The following DMXL2 variants were observed in gnomAD, a reference collection of about 807,000 sequenced individuals.
The protein encoded by DMXL2 is Dmx like 2.
A neutral mutation model predicts 331.1 loss-of-function variants in DMXL2; 103 were observed. The observed-to-expected ratio is 0.31, with a 90% confidence interval of 0.27 to 0.37. The LOEUF (loss-of-function observed/expected upper bound fraction) is 0.37. DMXL2 is among the 10% of genes least tolerant of loss of function. The probability of loss-of-function intolerance (pLI) is 1.00; values close to 1 mark genes in which losing one functional copy is unlikely to be tolerated. For synonymous variants in DMXL2, 1,281 were observed against 1,252.1 expected, an observed-to-expected ratio of 1.02 and a Z score of -0.49; for missense variants, 3,171 against 3,642.9, an observed-to-expected ratio of 0.87 and a Z score of 3.33.
At chr15:51,601,324 A>G (rs1001588977) in intron 1 of DMXL2, among the ~76,000 whole-genome samples, 2 of 146,844 alleles carry the variant, frequency 1.4e-5, no homozygotes, top group African/African-American at 5.0e-5. Flanking sequence ...GTTTTAAGAA[A>G]TCTTTTGCAA....
intron 19 of DMXL2, 33 bp downstream of exon 19, chr15:51,494,991 G>T (rs1567025907): frequency 1.7e-5 from 25 of 1,509,230 alleles, no homozygotes; most frequent in Non-Finnish European, 2.3e-5. Context: ...TTAAGTAAAA[G>T]TTGTGCAAAG....
In DMXL2 at chr15:51,466,262, C is replaced by T. The variant is rs370841953; in HGVS notation, c.7442G>A (p.Ser2481Asn). 17 of 1,561,130 alleles carry T rather than the reference C, an allele frequency of 1.1e-5. No individual in the cohort carries two copies. Among genetic ancestry groups the T allele is most frequent in the African/African-American group, 6.9e-5 (5 of 72,548 alleles). ...ATCATCTTCTTCATCACTATGAATG[C>T]TTTCATCAGAATCATATATAACACC... ...DSGVIYDSDE[S>N]IHSDEEDDAF... Residue 2481 changes from serine (S) to asparagine (N), a missense_variant, in exon 30 of 44, where the codon AGC (serine) becomes AAC (asparagine). By Grantham distance (46) the Ser-to-Asn change is conservative (BLOSUM62 1). Around this residue, in one of 7 missense-constraint regions of DMXL2, gnomAD observed 766 missense variants for 940.5 expected, o/e 0.81. Transcript: ENST00000560891.
intron 22 of DMXL2, among the ~76,000 whole-genome samples, chr15:51,486,731 G>A (rs966017390): frequency 6.6e-6 from 1 of 151,718 alleles, no homozygotes; most frequent in Non-Finnish European, 1.5e-5. Flanking sequence ...TATTTAAATA[G>A]TAAATAAATT....
At position 51,465,366 on chromosome 15, in the gene DMXL2, G is replaced by T. The variant is rs143007932; in HGVS notation, c.7606+200C>A. Among the ~76,000 whole-genome samples the T allele has an allele frequency of 1.1e-4, 16 of 152,292 alleles. No individual in the cohort carries two copies. The East Asian group carries it at 3.1e-3, about 29-fold the overall frequency. ...GCTCTGATCACACCACTGCACTACA[G>T]TCTGGGCAACAGAGCGAGACTCTAT... On this transcript the variant is annotated intron_variant, in intron 31 of 43. Coordinates refer to ENST00000560891, the MANE Select transcript of DMXL2 (RefSeq NM_001378457.1).
intron 15 of DMXL2, among the ~76,000 whole-genome samples, chr15:51,509,414 G>A (rs1648017483): frequency 6.6e-6 from 1 of 152,156 alleles, no homozygotes. Context: ...TACCATCAGA[G>A]AATACTATAA....
intron 13 of DMXL2, among the ~76,000 whole-genome samples, chr15:51,528,652 T>C (rs551773422): frequency 6.6e-4 from 101 of 152,214 alleles, no homozygotes; most frequent in Middle Eastern, 3.4e-3. Context: ...CAGAAAGAGA[T>C]AGACCCCAAT....
At position 51,474,524 on chromosome 15, in the gene DMXL2, G is replaced by A. The variant is rs774967981; in HGVS notation, c.7033C>T (p.Leu2345=). ...TAAACAGCAACAACAGCTTCACATA[G>A]CAAAATGTTCAGTTTTGGCTGGTCT... is the stretch of plus-strand genomic sequence containing the variant. ...DEDQPKLNIL[L]CEAVVAVYLS... The change falls in exon 28 of 44, where the codon CTA becomes TTA. Residue 2345 remains leucine (L), a synonymous_variant. Transcript: ENST00000560891. The A allele has an allele frequency of 1.9e-6, 3 of 1,614,052 alleles. No individual in the cohort carries two copies. The highest frequency in any genetic ancestry group is 2.2e-5 in the South Asian group (2 of 91,078).
Position 51,499,194 on chromosome 15 carries a change from G to T in DMXL2, c.4030C>A (p.Leu1344Ile). Residue 1344 changes from leucine (L) to isoleucine (I), a missense_variant, in exon 18 of 44, where the codon CTT (leucine) becomes ATT (isoleucine). By Grantham distance (5) the Leu-to-Ile change is conservative. Coordinates refer to ENST00000560891, the MANE Select transcript of DMXL2 (RefSeq NM_001378457.1). ...AGCTGAGTTGGATGATATTGTGGAA[G>T]AGTAGGGGAAAGTACATGTGCAGCC... ...FEAAHVLSPT[L>I]PQYHPTQLLE... 1 of 1,614,084 alleles carries T rather than the reference G, an allele frequency of 6.2e-7. No individual in the cohort carries two copies. Among genetic ancestry groups the T allele is most frequent in the Non-Finnish European group, 8.5e-7 (1 of 1,180,014 alleles).
intron 13 of DMXL2, among the ~76,000 whole-genome samples, chr15:51,524,482 T>A (rs974796450): frequency 2.0e-5 from 3 of 152,146 alleles, no homozygotes; most frequent in African/African-American, 7.2e-5. Flanking sequence ...TTAACTTCAT[T>A]ATCACTGAAA....
At chr15:51,580,450 A>G (rs1339306502) in intron 1 of DMXL2, among the ~76,000 whole-genome samples, 1 of 152,188 alleles carries the variant, frequency 6.6e-6, no homozygotes, top group Non-Finnish European at 1.5e-5. Flanking sequence ...GGCAAGGAAA[A>G]GGACTGCAAG....
intron 27 of DMXL2, among the ~76,000 whole-genome samples, chr15:51,476,225 G>A (rs1006740773): frequency 3.3e-5 from 5 of 151,942 alleles, no homozygotes; most frequent in Admixed American, 2.0e-4. Flanking sequence ...AAATTTACAC[G>A]CCCGAGAACA....
At position 51,462,458 on chromosome 15, in the gene DMXL2, C is replaced by A. The variant is rs145208148; in HGVS notation, c.7926+921G>T. On this transcript the variant is annotated intron_variant, in intron 33 of 43. Coordinates refer to ENST00000560891, the MANE Select transcript of DMXL2 (RefSeq NM_001378457.1). Reference sequence around the variant, plus strand: ...TCAAGCAATTCTCTTACCTCAACCTCCCGAGCAGCTGGGATTACAGACATG... The same window carrying A: ...TCAAGCAATTCTCTTACCTCAACCTACCGAGCAGCTGGGATTACAGACATG... 2.9e-3 allele frequency among the ~76,000 whole-genome samples: 443 copies of A among 152,252 alleles called. 4 individuals carry two copies. Among genetic ancestry groups the A allele is most frequent in the African/African-American group, 0.01 (428 of 41,526 alleles).
In DMXL2 at chr15:51,481,086, TC is replaced by T. The variant is rs756422889; in HGVS notation, c.6019del (p.Asp2007IlefsTer15). The T allele has an allele frequency of 6.2e-7, 1 of 1,613,656 alleles. No individual in the cohort carries two copies. Among genetic ancestry groups the T allele is most frequent in the Admixed American group, 1.7e-5 (1 of 59,960 alleles). On this transcript the variant is annotated frameshift_variant, in exon 24 of 44. Coordinates refer to ENST00000560891, the MANE Select transcript of DMXL2 (RefSeq NM_001378457.1). LOFTEE classifies it high-confidence loss of function. ...VMKSTDAREKDKQSDQKASDP... is the reference protein window; with the variant it reads ...VMKSTDAREKXKQSDQKASDP... ...TGAGGCCTTCTGATCTGATTGTTTA[TC>T]TTTTTCCCTGGCATCTGTACTTTTC...
chr15:51,511,065 C>T (rs1037496082), intron 15 of DMXL2, among the ~76,000 whole-genome samples: 1 of 152,078 alleles, frequency 6.6e-6, no homozygotes, highest in Admixed American at 6.6e-5. Flanking sequence ...AAGACTGAAA[C>T]GTAAGACCTA....
intron 1 of DMXL2, among the ~76,000 whole-genome samples, chr15:51,587,555 A>C (rs1282817988): frequency 6.6e-6 from 1 of 151,956 alleles, no homozygotes; most frequent in Non-Finnish European, 1.5e-5. Context: ...CATTTTCTTA[A>C]TCCAGTCTAT....
chr15:51,606,048 T>C (rs1032226004), intron 1 of DMXL2, among the ~76,000 whole-genome samples: 15 of 152,336 alleles, frequency 9.8e-5, no homozygotes, highest in African/African-American at 3.1e-4. Flanking sequence ...GATGGTCTCT[T>C]GGATCTAGAG....
At chr15:51,556,742 A>C (rs2049616808) in intron 6 of DMXL2, among the ~76,000 whole-genome samples, 1 of 152,178 alleles carries the variant, frequency 6.6e-6, no homozygotes, top group East Asian at 1.9e-4. Flanking sequence ...ACTGGACTCC[A>C]GCCTGGGTGA....
At position 51,480,955 on chromosome 15, in the gene DMXL2, G is replaced by C; in HGVS notation, c.6151C>G (p.Leu2051Val). 6.2e-7 allele frequency: 1 copy of C among 1,613,984 alleles called. No homozygotes were observed. Among genetic ancestry groups the C allele is most frequent in the Non-Finnish European group, 8.5e-7 (1 of 1,179,952 alleles). ...GCCAATGTTCTTAATTCAGTCATAA[G>C]GATCTTTAAACAAGCTCTGAATTTT... ...QLKFRACLKI[L>V]MTELRTLATG... Residue 2051 changes from leucine (L) to valine (V), a missense_variant, in exon 24 of 44, where the codon CTT becomes GTT. This residue lies in a region of DMXL2 where 20 missense variants were observed against 46.3 expected (regional missense o/e 0.43). Transcript: ENST00000560891.
intron 20 of DMXL2, among the ~76,000 whole-genome samples, chr15:51,490,624 A>G (rs942383824): frequency 6.6e-6 from 1 of 152,232 alleles, no homozygotes; most frequent in African/African-American, 2.4e-5. Context: ...TAGTTCCATC[A>G]TATGTAAAAT....
Sources: allele counts gnomAD v4.1 joint callset (sites outside exome capture counted in the v4.1 genomes callset), GRCh38; gene constraint gnomAD v4.1.1; regional missense constraint gnomAD v4.1.1; transcripts MANE v1.5; gene names NCBI Gene and HGNC (gene_info 2026-07-23, HGNC 2026-07-21).